Variants in HAS3 observed in about 807,000 individuals in gnomAD.
HAS3 encodes HA synthase 3.
HAS3 carries 27 observed loss-of-function variants against 50.3 expected under a neutral mutation model. The observed-to-expected ratio is 0.54, with a 90% confidence interval of 0.40 to 0.74. HAS3 has a LOEUF of 0.74. Ranked by LOEUF, HAS3 falls within the 30% of genes least tolerant of loss-of-function variation. The probability of loss-of-function intolerance (pLI) is 0.00; values close to 1 mark genes in which losing one functional copy is unlikely to be tolerated. For synonymous variants in HAS3, 339 were observed against 310.9 expected, an observed-to-expected ratio of 1.09 and a Z score of -0.95; for missense variants, 517 against 742.8, an observed-to-expected ratio of 0.70 and a Z score of 3.53.
At chr16:69,118,123 C>A (rs1377880970), downstream of HAS3, 12 of 399,298 alleles carry the variant, frequency 3.0e-5, no homozygotes, top group South Asian at 1.4e-4. Context: ...TCCCTTCATC[C>A]CCCACCCCCA....
Position 69,114,303 on chromosome 16 carries a change from G to T in HAS3, c.739-40G>T. 5.2e-6 allele frequency: 8 copies of T among 1,546,190 alleles called. No individual in the cohort carries two copies. The highest frequency in any genetic ancestry group is 6.9e-6 in the Non-Finnish European group (8 of 1,151,098). On this transcript the variant is annotated intron_variant, in intron 3 of 3. Coordinates refer to ENST00000569188, the MANE Select transcript of HAS3 (RefSeq NM_001199280.2). The surrounding 1 kb of genome is among the most constrained non-coding windows in gnomAD (Gnocchi z 6.4). ...GGTCTCTGATGTCTGTCCTCCGGAC[G>T]TGCAACCTTAGGAGGCCCAGCATCT...
At chr16:69,097,890 C>T in the HAS3 span, among the ~76,000 whole-genome samples, 1 of 152,148 alleles carries the variant, frequency 6.6e-6, no homozygotes, top group East Asian at 1.9e-4. Flanking sequence ...TCTGCAGACT[C>T]CGCCTTTCCC....
chr16:69,094,648 C>T, the HAS3 span, among the ~76,000 whole-genome samples: 1 of 152,164 alleles, frequency 6.6e-6, no homozygotes, highest in Non-Finnish European at 1.5e-5. Flanking sequence ...CTTCCCCATC[C>T]TTTGGGTGGG....
chr16:69,113,209 G>A (rs1961066490), intron 2 of HAS3, among the ~76,000 whole-genome samples: 1 of 152,162 alleles, frequency 6.6e-6, no homozygotes, highest in Non-Finnish European at 1.5e-5. Context: ...CTGTCTTCAG[G>A]GTTTCTCCCT....
At chr16:69,083,753 G>T in the HAS3 span, 2 of 1,397,888 alleles carry the variant, frequency 1.4e-6, no homozygotes, top group Admixed American at 2.4e-5. Flanking sequence ...TGCCTCTTGA[G>T]TGCTGGCAGC....
upstream of HAS3, among the ~76,000 whole-genome samples, chr16:69,102,864 C>T (rs1351816947): frequency 6.6e-6 from 1 of 152,022 alleles, no homozygotes; most frequent in East Asian, 1.9e-4. Context: ...CCAGAGAAGT[C>T]ATGTTGCTGC....
downstream of HAS3, chr16:69,118,182 T>C (rs1961305084): frequency 3.4e-6 from 2 of 590,320 alleles, no homozygotes; most frequent in South Asian, 2.0e-5. Context: ...TTGAGGTTCT[T>C]TGATTGATTG....
At chr16:69,098,483 T>C in the HAS3 span, among the ~76,000 whole-genome samples, 1 of 151,704 alleles carries the variant, frequency 6.6e-6, no homozygotes, top group Non-Finnish European at 1.5e-5. Context: ...ACTCAGGCAA[T>C]CCTCCCACTT....
chr16:69,101,357 GTGGTATGATC>G (rs1186962258), upstream of HAS3, among the ~76,000 whole-genome samples: 3 of 152,172 alleles, frequency 2.0e-5, no homozygotes, highest in Non-Finnish European at 4.4e-5. Context: ...CTGGAGTGCA[GTGGTATGATC>G]TCGGCTCACT....
chr16:69,110,728 GC>G (rs1467843814), intron 2 of HAS3, among the ~76,000 whole-genome samples: 2 of 152,148 alleles, frequency 1.3e-5, no homozygotes, highest in Non-Finnish European at 2.9e-5. Context: ...CAGGATTTGC[GC>G]CCAGGCCGTC....
rs74025372 is a variant in HAS3 at position 69,114,223 on chromosome 16, C to T, written c.739-120C>T. 5.6e-5 allele frequency: 82 copies of T among 1,452,522 alleles called. No individual in the cohort carries two copies. In the Middle Eastern group the frequency reaches 9.8e-4, roughly 17 times the overall value. The allele number at this position is 1,452,522 out of a possible 1,614,324, so 90.0% of individuals were successfully genotyped here. On this transcript the variant is annotated intron_variant, in intron 3 of 3. Coordinates refer to ENST00000569188, the MANE Select transcript of HAS3 (RefSeq NM_001199280.2). The surrounding 1 kb of genome is among the most constrained non-coding windows in gnomAD (Gnocchi z 6.4). ...TCAGGTTTCCCAGCTCCAAAGGAAC[C>T]GATGGCCAGGAATCTAAGCAGCGGG...
chr16:69,095,488 G>A, the HAS3 span, among the ~76,000 whole-genome samples: 3 of 151,976 alleles, frequency 2.0e-5, no homozygotes, highest in East Asian at 5.8e-4. Flanking sequence ...TCTCAACCCT[G>A]GATGCAGAAT....
Position 69,114,816 on chromosome 16 carries a change from C to A in HAS3, c.1212C>A (p.Gly404=), listed in dbSNP as rs954852975. Residue 404 remains glycine (G), a synonymous_variant, in exon 4 of 4, where the codon GGC becomes GGA. Coordinates refer to ENST00000569188, the MANE Select transcript of HAS3 (RefSeq NM_001199280.2). This position sits in a 1 kb window ranked among gnomAD's most constrained non-coding sequence, Gnocchi z 6.4. ...CGGTTATACAGCTTTTCTACCGGGGCCGCATCTGGAACATTCTCCTCTTCC... is the reference window on the plus strand; with the variant it reads ...CGGTTATACAGCTTTTCTACCGGGGACGCATCTGGAACATTCTCCTCTTCC... ...IATVIQLFYR[G]RIWNILLFLL... 19 of 1,613,992 alleles carry A rather than the reference C, an allele frequency of 1.2e-5. No individual in the cohort carries two copies. Among genetic ancestry groups the A allele is most frequent in the Non-Finnish European group, 1.5e-5 (18 of 1,180,026 alleles).
rs71148963 is a variant in HAS3, at chr16:69,111,157, A to ATTTTTTTT, written c.636+1151_636+1158dup. The stretch of plus-strand genomic sequence containing the variant: ...TAGGACCCTGGATTTCTAGGCCAGG[A>ATTTTTTTT]TTTTTTTTTTTTTTTTTTTTTTTTT... On this transcript the variant is annotated intron_variant, in intron 2 of 3. Transcript: ENST00000569188. Among the ~76,000 whole-genome samples the ATTTTTTTT allele has an allele frequency of 8.5e-4, 53 of 62,302 alleles. 8 individuals carry two copies. Among genetic ancestry groups the ATTTTTTTT allele is most frequent in the Admixed American group, 1.1e-3 (5 of 4,624 alleles). 40.9% of individuals were successfully genotyped at this position (62,302 alleles called of 152,430 possible).
chr16:69,085,592 C>CT, the HAS3 span, among the ~76,000 whole-genome samples: 802 of 143,508 alleles, frequency 5.6e-3, 6 homozygotes, highest in African/African-American at 0.013. Context: ...TTCTTTCTTT[C>CT]TTTTTTTTTT....
rs1207334519 is a variant in HAS3 at position 69,115,302 on chromosome 16, G to A, written c.*36G>A. 2 of 1,492,908 alleles carry A rather than the reference G, an allele frequency of 1.3e-6. No individual in the cohort carries two copies. Among genetic ancestry groups the A allele is most frequent in the Non-Finnish European group, 8.9e-7 (1 of 1,124,624 alleles). The allele number at this position is 1,492,908 out of a possible 1,614,324, so 92.5% of individuals were successfully genotyped here. A position where few individuals can be genotyped will look rare whatever the true frequency, so the allele number is the denominator to read the frequency against. ...AAGCAGAGCGGGTAAAGTGCAATGG[G>A]TAAGGGAGGGAAGGGGAATGGAAGA... On this transcript the variant is annotated 3_prime_UTR_variant, in exon 4 of 4. Transcript: ENST00000569188.
At chr16:69,104,259 G>GTTTTT (rs544314357), upstream of HAS3, among the ~76,000 whole-genome samples, 5 of 127,018 alleles carry the variant, frequency 3.9e-5, no homozygotes, top group Admixed American at 7.7e-5. Context: ...CCTGGCTAAT[G>GTTTTT]TTTTTTTTTT....
At chr16:69,094,922 A>G in the HAS3 span, among the ~76,000 whole-genome samples, 3 of 147,870 alleles carry the variant, frequency 2.0e-5, no homozygotes, top group Admixed American at 1.3e-4. Context: ...TCAAATCCAC[A>G]TCCTTCCTTC....
At chr16:69,102,605 G>A (rs1960708802), upstream of HAS3, among the ~76,000 whole-genome samples, 1 of 152,200 alleles carries the variant, frequency 6.6e-6, no homozygotes, top group Non-Finnish European at 1.5e-5. Flanking sequence ...AGGCCATTTA[G>A]GGGGCAAAGC....
Sources: gnomAD v4.1 joint callset for allele counts (sites outside exome capture counted in the v4.1 genomes callset) on GRCh38, gnomAD v4.1.1 for gene constraint, Gnocchi (gnomAD v3.1) non-coding constraint, MANE v1.5 for transcripts, NCBI Gene and HGNC (gene_info 2026-07-23, HGNC 2026-07-21) for gene names.